Variants in ARAP2 observed in about 807,000 individuals in gnomAD.
The protein encoded by ARAP2 is ArfGAP with RhoGAP domain, ankyrin repeat and PH domain 2.
ARAP2 carries 148 observed loss-of-function variants against 194.5 expected under a neutral mutation model. The ratio of observed to expected loss-of-function variants is 0.76; its 90% CI spans 0.67 to 0.87. ARAP2 has a LOEUF of 0.87. Ranked by LOEUF, ARAP2 falls within the 40% of genes least tolerant of loss-of-function variation. The probability of loss-of-function intolerance (pLI) is 0.00; values close to 1 mark genes in which losing one functional copy is unlikely to be tolerated. For synonymous variants in ARAP2, 695 were observed against 683.5 expected, an observed-to-expected ratio of 1.02 and a Z score of -0.26; for missense variants, 2,128 against 1,989.7, an observed-to-expected ratio of 1.07 and a Z score of -1.32.
chr4:36,231,427 CTTT>C (rs1751446249), intron 1 of ARAP2, among the ~76,000 whole-genome samples: 1 of 152,192 alleles, frequency 6.6e-6, no homozygotes, highest in African/African-American at 2.4e-5. Context: ...ATAAGCCACT[CTTT>C]TTCTACACAA....
At chr4:36,215,116 T>C (rs1158838311) in intron 2 of ARAP2, among the ~76,000 whole-genome samples, 2 of 152,134 alleles carry the variant, frequency 1.3e-5, no homozygotes, top group Non-Finnish European at 2.9e-5. Flanking sequence ...CTCTTTTCCA[T>C]CTAAAAAATG....
At chr4:36,105,109 C>G (rs1019732040) in intron 27 of ARAP2, among the ~76,000 whole-genome samples, 1 of 151,956 alleles carries the variant, frequency 6.6e-6, no homozygotes, top group Non-Finnish European at 1.5e-5. Context: ...CACTTGAGGT[C>G]AGCAATTCGA....
chr4:36,216,372 C>T (rs1747943407), intron 2 of ARAP2, among the ~76,000 whole-genome samples: 3 of 152,198 alleles, frequency 2.0e-5, no homozygotes, highest in Non-Finnish European at 4.4e-5. Flanking sequence ...CTGTCGATAT[C>T]AAGTGTTGGA....
At chr4:36,144,904 G>T (rs1729267242) in intron 19 of ARAP2, among the ~76,000 whole-genome samples, 1 of 151,740 alleles carries the variant, frequency 6.6e-6, no homozygotes, top group African/African-American at 2.4e-5. Context: ...CCTTCATGAT[G>T]ATCTACTTCC....
At chr4:36,230,394 A>C (rs1751206241) in intron 1 of ARAP2, among the ~76,000 whole-genome samples, 1 of 152,258 alleles carries the variant, frequency 6.6e-6, no homozygotes, top group South Asian at 2.1e-4. Context: ...TCAGTTCAAT[A>C]ATTTTCATTT....
chr4:36,214,491 AAAG>A lies in ARAP2; in HGVS notation c.906-14_906-12del. 6.3e-7 allele frequency: 1 copy of A among 1,586,300 alleles called. No individual in the cohort carries two copies. The highest frequency in any genetic ancestry group is 8.6e-7 in the Non-Finnish European group (1 of 1,161,790). ...CTTTCACGGAAATAGCTTAAAAAGC[AAAG>A]GAGAAAATACTTATGAGTGAAAATA... On this transcript the variant is annotated splice_polypyrimidine_tract_variant and intron_variant, in intron 2 of 32. Coordinates refer to ENST00000303965, the MANE Select transcript of ARAP2 (RefSeq NM_015230.4).
downstream of ARAP2, among the ~76,000 whole-genome samples, chr4:36,064,163 C>G (rs187662780): frequency 1.3e-5 from 2 of 150,796 alleles, no homozygotes; most frequent in Non-Finnish European, 2.9e-5. Flanking sequence ...ATTGAGAGTG[C>G]CTTTGAGCAC....
chr4:36,019,823 G>C (rs1174276354), intron 5 of ARAP2, among the ~76,000 whole-genome samples: 1 of 152,120 alleles, frequency 6.6e-6, no homozygotes, highest in Non-Finnish European at 1.5e-5. Context: ...ACAGGTTATA[G>C]TTTCTCCTTA....
chr4:36,241,764 A>G (rs1753559070), intron 1 of ARAP2, among the ~76,000 whole-genome samples: 1 of 152,194 alleles, frequency 6.6e-6, no homozygotes, highest in South Asian at 2.1e-4. Flanking sequence ...TTATGACCCT[A>G]ATTTCCACAT....
At chr4:36,091,742 G>T in intron 28 of ARAP2, 139 bp downstream of exon 28, 1 of 944,706 alleles carries the variant, frequency 1.1e-6, no homozygotes, top group Non-Finnish European at 1.5e-6. Context: ...TTATACCATA[G>T]GCTGAAGCAA....
chr4:36,053,229 C>G (rs1217595065), intron 2 of ARAP2, among the ~76,000 whole-genome samples: 1 of 151,852 alleles, frequency 6.6e-6, no homozygotes, highest in Admixed American at 6.5e-5. Context: ...TGGTCTTGAA[C>G]TTTTGACTTC....
rs1022716547 is a variant in ARAP2, at chr4:36,066,716, C to G, written c.*1191G>C. On this transcript the variant is annotated 3_prime_UTR_variant, in exon 33 of 33. Transcript: ENST00000303965. ...GTCAGGAAATTCACCAATTCAGTAG[C>G]TGATCTTTATGTGGAAACAAAAATA... 1.3e-5 allele frequency: 2 copies of G among 152,000 alleles called. No homozygotes were observed. Among genetic ancestry groups the G allele is most frequent in the African/African-American group, 2.4e-5 (1 of 41,376 alleles). 9.4% of individuals were successfully genotyped at this position (152,000 alleles called of 1,614,324 possible).
chr4:36,188,479 G>A (rs1176299891), intron 7 of ARAP2, among the ~76,000 whole-genome samples: 1 of 152,110 alleles, frequency 6.6e-6, no homozygotes, highest in Non-Finnish European at 1.5e-5. Context: ...ATTTAAATCC[G>A]ACTTTTAAAA....
At chr4:36,174,917 T>C (rs1033866978) in intron 9 of ARAP2, among the ~76,000 whole-genome samples, 2 of 152,212 alleles carry the variant, frequency 1.3e-5, no homozygotes, top group Non-Finnish European at 2.9e-5. Context: ...CTTCCACCTC[T>C]AGCCATTGTC....
chr4:36,143,358 C>G (rs1045426165), intron 19 of ARAP2, among the ~76,000 whole-genome samples: 4 of 151,544 alleles, frequency 2.6e-5, no homozygotes, highest in African/African-American at 9.7e-5. Context: ...ATTTTGAATT[C>G]TAGTAACTTA....
chr4:36,187,618 C>T lies in ARAP2; in HGVS notation c.1558-47G>A, dbSNP rs781625257. ...AGAAGACATATGAAAACGAAATTCT[C>T]TTGATCTTATCAAAAAAGAATGGCA... On this transcript the variant is annotated intron_variant, in intron 7 of 32. Transcript: ENST00000303965. 2.7e-6 allele frequency: 4 copies of T among 1,469,838 alleles called. No homozygotes were observed. The African/African-American group carries it at 5.8e-5, about 21-fold the overall frequency. The allele number at this position is 1,469,838 out of a possible 1,614,324, so 91.0% of individuals were successfully genotyped here.
intron 5 of ARAP2, among the ~76,000 whole-genome samples, chr4:36,026,779 T>C (rs1418516853): frequency 2.6e-5 from 4 of 152,214 alleles, no homozygotes; most frequent in Admixed American, 2.0e-4. Context: ...TCGGGACAGA[T>C]GCTGTGGCCA....
intron 20 of ARAP2, among the ~76,000 whole-genome samples, chr4:36,129,152 G>C (rs541637217): frequency 6.6e-6 from 1 of 152,042 alleles, no homozygotes; most frequent in Admixed American, 6.6e-5. Flanking sequence ...ATGAATTTCT[G>C]TATGCTCCCA....
intron 30 of ARAP2, among the ~76,000 whole-genome samples, chr4:36,080,492 C>A (rs1348740698): frequency 6.6e-6 from 1 of 152,090 alleles, no homozygotes; most frequent in Non-Finnish European, 1.5e-5. Flanking sequence ...TTGGTTTAAA[C>A]AAAATACAAC....
Sources: allele counts gnomAD v4.1 joint callset (sites outside exome capture counted in the v4.1 genomes callset), GRCh38; gene constraint gnomAD v4.1.1; transcripts MANE v1.5; gene names NCBI Gene and HGNC (gene_info 2026-07-23, HGNC 2026-07-21).